The following ERCC3 variants were observed in gnomAD, a reference collection of about 807,000 sequenced individuals.
ERCC3 encodes general transcription and DNA repair factor IIH helicase/translocase subunit XPB.
ERCC3 carries 66 observed loss-of-function variants against 94.2 expected under a neutral mutation model. The ratio of observed to expected loss-of-function variants is 0.70; its 90% CI spans 0.57 to 0.86. The LOEUF is 0.86. ERCC3 is among the 40% of genes least tolerant of loss of function. The pLI, the probability that ERCC3 is intolerant of heterozygous loss-of-function variation, is 0.00. For synonymous variants in ERCC3, 349 were observed against 369.1 expected (o/e 0.95, Z 0.63); for missense variants, 829 against 987.1 (o/e 0.84, Z 2.15).
intron 7 of ERCC3, among the ~76,000 whole-genome samples, chr2:127,288,102 G>A (rs1021556286): frequency 6.6e-6 from 1 of 152,142 alleles, no homozygotes; most frequent in Non-Finnish European, 1.5e-5. Flanking sequence ...AGTCTGCTGT[G>A]GTCTCTGGCC....
At chr2:127,283,482 A>G (rs1277690894) in intron 8 of ERCC3, among the ~76,000 whole-genome samples, 1 of 152,234 alleles carries the variant, frequency 6.6e-6, no homozygotes, top group African/African-American at 2.4e-5. Context: ...TTGTTTATCC[A>G]GACACCCACT....
chr2:127,289,744 T>C lies in ERCC3; in HGVS notation c.602A>G (p.Asn201Ser), dbSNP rs755418225. Residue 201 changes from asparagine (N) to serine (S), a missense_variant, in exon 5 of 15, where the codon AAC becomes AGC. By Grantham distance (46) the Asn-to-Ser change is conservative. Coordinates refer to ENST00000285398, the MANE Select transcript of ERCC3 (RefSeq NM_000122.2). ...DPVIRECRLR[N>S]SEGEATELIT... Reference sequence around the variant, plus strand: ...GAGCTCAGTGGCCTCCCCTTCAGAGTTTCTTAAGCGGCATTCTCGGATCAC... The same window carrying C: ...GAGCTCAGTGGCCTCCCCTTCAGAGCTTCTTAAGCGGCATTCTCGGATCAC... The C allele has an allele frequency of 1.2e-6, 2 of 1,613,880 alleles. No individual in the cohort carries two copies. Among genetic ancestry groups the C allele is most frequent in the South Asian group, 2.2e-5 (2 of 91,070 alleles).
chr2:127,278,076 C>CA (rs34062587), intron 10 of ERCC3, among the ~76,000 whole-genome samples: 1 of 151,442 alleles, frequency 6.6e-6, no homozygotes, highest in African/African-American at 2.4e-5. Context: ...CCCATCTCTA[C>CA]AAAAAACAAA....
intron 12 of ERCC3, among the ~76,000 whole-genome samples, chr2:127,263,658 A>G (rs1386077191): frequency 6.7e-6 from 1 of 149,156 alleles, no homozygotes; most frequent in Non-Finnish European, 1.5e-5. Context: ...TTTCAGTACT[A>G]TGTGGAATAG....
At chr2:127,265,210 A>G (rs1230334481) in intron 12 of ERCC3, among the ~76,000 whole-genome samples, 1 of 151,990 alleles carries the variant, frequency 6.6e-6, no homozygotes, top group Non-Finnish European at 1.5e-5. Flanking sequence ...GGTTTCAATT[A>G]ATTTCTGATT....
intron 12 of ERCC3, among the ~76,000 whole-genome samples, chr2:127,266,793 G>A (rs1169838359): frequency 7.4e-6 from 1 of 135,900 alleles, no homozygotes; most frequent in Non-Finnish European, 1.5e-5. Flanking sequence ...TTGGCTCACT[G>A]CAACCTCTGC....
At position 127,271,228 on chromosome 2, in the gene ERCC3, G is replaced by A. The variant is rs1684538828; in HGVS notation, c.1945+108C>T. The A allele has an allele frequency of 6.2e-6, 5 of 808,690 alleles. No homozygotes were observed. The highest frequency in any genetic ancestry group is 1.1e-5 in the Non-Finnish European group (5 of 450,494). The allele number at this position is 808,690 out of a possible 1,614,324, so 50.1% of individuals were successfully genotyped here. ...TGCTTTGGGATTCTCTCCCTCCAGAGTCTATTTAGCCCCAGGGCACATGGC... is the reference window on the plus strand; with the variant it reads ...TGCTTTGGGATTCTCTCCCTCCAGAATCTATTTAGCCCCAGGGCACATGGC... On this transcript the variant is annotated intron_variant, in intron 12 of 14. Transcript: ENST00000285398. The surrounding 1 kb of genome is among the most constrained non-coding windows in gnomAD (Gnocchi z 5.0).
At chr2:127,289,587 C>T (rs1191155538) in intron 5 of ERCC3, 86 bp from the exon 6 acceptor site, 8 of 1,602,078 alleles carry the variant, frequency 5.0e-6, no homozygotes, top group Non-Finnish European at 6.8e-6. Context: ...AGGGTAGAAC[C>T]AGCAGGGCTG....
chr2:127,269,199 C>T (rs1183376813), intron 12 of ERCC3, among the ~76,000 whole-genome samples: 3 of 152,114 alleles, frequency 2.0e-5, no homozygotes, highest in African/African-American at 4.8e-5. Context: ...GGGGGGACTA[C>T]TGTATTAAAA....
intron 7 of ERCC3, 143 bp downstream of exon 7, chr2:127,288,517 G>T: frequency 1.2e-6 from 1 of 807,710 alleles, no homozygotes. Flanking sequence ...TCAAATATTT[G>T]TCAAGTCATG....
chr2:127,278,689 A>T (rs1475612076), intron 10 of ERCC3, among the ~76,000 whole-genome samples: 1 of 152,202 alleles, frequency 6.6e-6, no homozygotes, highest in African/African-American at 2.4e-5. Flanking sequence ...TTTAAGCACA[A>T]ATATTTGGGT....
chr2:127,287,073 G>T, intron 7 of ERCC3, 56 bp from the exon 8 acceptor site: 1 of 1,400,226 alleles, frequency 7.1e-7, no homozygotes, highest in Non-Finnish European at 1.0e-6. Flanking sequence ...GAAGGACAGG[G>T]ACAGGCAGAA....
rs11693518 is a variant in ERCC3 at position 127,272,121 on chromosome 2, G to C, written c.1828-668C>G. On this transcript the variant is annotated intron_variant, in intron 11 of 14. Transcript: ENST00000285398. ...TGCAACCTCCACCTCCCGGGTTCAA[G>C]TGACTGAACCCTGCTGCCTCAGCCT... is the stretch of plus-strand genomic sequence containing the variant. Among the ~76,000 whole-genome samples the C allele has an allele frequency of 2.5e-3, 344 of 139,444 alleles. 1 individual carries two copies. Among genetic ancestry groups the C allele is most frequent in the Non-Finnish European group, 3.8e-3 (248 of 65,994 alleles). 91.5% of individuals were successfully genotyped at this position (139,444 alleles called of 152,430 possible).
intron 11 of ERCC3, 37 bp downstream of exon 11, chr2:127,272,828 C>T: frequency 7.6e-7 from 1 of 1,322,744 alleles, no homozygotes. Context: ...CCCCAGAGTG[C>T]TAGGGGCCTC....
chr2:127,293,679 T>G lies in ERCC3; in HGVS notation c.68A>C (p.Glu23Ala). 6.2e-7 allele frequency: 1 copy of G among 1,613,948 alleles called. No individual in the cohort carries two copies. The highest frequency in any genetic ancestry group is 8.5e-7 in the Non-Finnish European group (1 of 1,180,040). The change falls in exon 2 of 15, where the codon GAG (glutamate) becomes GCG (alanine). Residue 23 changes from glutamate (E) to alanine (A), a missense_variant. Coordinates refer to ENST00000285398, the MANE Select transcript of ERCC3 (RefSeq NM_000122.2). ...KSRKRHYEDEEDDEEDAPGND... is the reference protein window; with the variant it reads ...KSRKRHYEDEADDEEDAPGND... ...CCCCGGGGCGTCCTCTTCATCATCC[T>G]CTTCATCCTCATAGTGCCGCTTCCT...
Position 127,265,290 on chromosome 2 carries a change from G to A in ERCC3, c.1946-3944C>T, listed in dbSNP as rs528596758. Among the ~76,000 whole-genome samples, 6 of 152,302 alleles carry A rather than the reference G, an allele frequency of 3.9e-5. No homozygotes were observed. The East Asian group carries it at 1.2e-3, about 29-fold the overall frequency. ...CTAGATTTACTAGTTTGTGTGCACA[G>A]AGGTATTTTTAAGTCTCTGAGAATC... On this transcript the variant is annotated intron_variant, in intron 12 of 14. Transcript: ENST00000285398.
rs375470719 is a variant in ERCC3, at chr2:127,267,453, T to C, written c.1945+3883A>G. ...TCTTTTTTTTTTTTTATTTGTGTGA[T>C]AGATTTTTTTCCCTATCCCTTTACT... On this transcript the variant is annotated intron_variant, in intron 12 of 14. Coordinates refer to ENST00000285398, the MANE Select transcript of ERCC3 (RefSeq NM_000122.2). Among the ~76,000 whole-genome samples the C allele has an allele frequency of 1.3e-4, 20 of 151,400 alleles. 2 individuals are homozygous for C. In the South Asian group the frequency reaches 4.2e-3, roughly 32 times the overall value.
chr2:127,289,928 C>G, intron 4 of ERCC3, 104 bp from the exon 5 acceptor site: 1 of 1,339,390 alleles, frequency 7.5e-7, no homozygotes, highest in Non-Finnish European at 1.1e-6. Context: ...CCTCATGACT[C>G]TCCCCACAAC....
chr2:127,292,523 G>T, intron 3 of ERCC3, 87 bp downstream of exon 3: 1 of 891,828 alleles, frequency 1.1e-6, no homozygotes, highest in Non-Finnish European at 1.9e-6. Flanking sequence ...CATTCTCATG[G>T]CTGCCACAGG....
Sources: allele counts gnomAD v4.1 joint callset (sites outside exome capture counted in the v4.1 genomes callset), GRCh38; gene constraint gnomAD v4.1.1; non-coding constraint Gnocchi (gnomAD v3.1); transcripts MANE v1.5; gene names NCBI Gene and HGNC (gene_info 2026-07-23, HGNC 2026-07-21).